Variants in C15orf39 observed in about 807,000 individuals in gnomAD.
C15orf39 encodes the protein uncharacterized protein C15orf39.
In C15orf39, 24 loss-of-function variants were observed where a neutral mutation model predicts 53.9. That is an observed-to-expected ratio of 0.45 (90% CI 0.32 to 0.63). C15orf39 has a LOEUF of 0.63. Ranked by LOEUF, C15orf39 falls within the 20% of genes least tolerant of loss-of-function variation. The pLI is 0.04. For synonymous variants in C15orf39, 569 were observed against 576.5 expected (o/e 0.99, Z 0.19); for missense variants, 1,271 against 1,347.9 (o/e 0.94, Z 0.89).
upstream of C15orf39, among the ~76,000 whole-genome samples, chr15:75,200,817 C>A: frequency 6.7e-6 from 1 of 149,438 alleles, no homozygotes; most frequent in South Asian, 2.2e-4. Flanking sequence ...ACACTCTCCC[C>A]CCACCTCCCG....
intron 2 of C15orf39, among the ~76,000 whole-genome samples, chr15:75,209,855 G>A (rs1330397896): frequency 6.6e-6 from 1 of 152,196 alleles, no homozygotes; most frequent in Non-Finnish European, 1.5e-5. Flanking sequence ...TGGCAGTGAG[G>A]TGCAGATGAG....
intron 2 of C15orf39, chr15:75,209,068 G>C: frequency 1.7e-6 from 1 of 592,436 alleles, no homozygotes; most frequent in Non-Finnish European, 2.8e-6. Context: ...GAAACTCCTC[G>C]GCCTCCCCTG....
rs1268966589 is a variant in C15orf39 at position 75,207,803 on chromosome 15, C to T, written c.1755C>T (p.Ala585=). 1.9e-6 allele frequency: 3 copies of T among 1,612,244 alleles called. No individual in the cohort carries two copies. The highest frequency in any genetic ancestry group is 2.5e-6 in the Non-Finnish European group (3 of 1,179,460). ...DLSVRKPTAE[A]SPVKASRSVE... is the part of the protein sequence containing the mutation. The stretch of plus-strand genomic sequence containing the variant: ...GTGTGAGGAAGCCCACAGCAGAGGC[C>T]TCCCCTGTCAAGGCTTCCCGTTCTG... The change falls in exon 2 of 3, where the codon GCC becomes GCT. Residue 585 remains alanine (A), a synonymous_variant. Transcript: ENST00000394987.
At position 75,206,850 on chromosome 15, in the gene C15orf39, C is replaced by CCCGA; in HGVS notation, c.802_803insCCGA (p.His268ProfsTer118). ...ACCCTGTCAGGACACCGGGCCCACC[C>CCCGA]ACTACCCACCACCCCACCACCCACC... On this transcript the variant is annotated frameshift_variant, in exon 2 of 3. Transcript: ENST00000394987. LOFTEE classifies it high-confidence loss of function. 6.4e-7 allele frequency: 1 copy of CCCGA among 1,561,218 alleles called. No individual in the cohort carries two copies. Among genetic ancestry groups the CCCGA allele is most frequent in the Non-Finnish European group, 8.6e-7 (1 of 1,156,576 alleles).
chr15:75,208,294 C>T lies in C15orf39; in HGVS notation c.2246C>T (p.Ala749Val), dbSNP rs748369841. 6.3e-7 allele frequency: 1 copy of T among 1,579,810 alleles called. No homozygotes were observed. The highest frequency in any genetic ancestry group is 2.3e-5 in the East Asian group (1 of 42,672). The change falls in exon 2 of 3, where the codon GCA (alanine) becomes GTA (valine). Residue 749 changes from alanine to valine, a missense_variant. Physicochemically the swap from Ala to Val is moderately conservative, Grantham distance 64. Around this residue, in one of 2 missense-constraint regions of C15orf39, gnomAD observed 994 missense variants for 993.7 expected, o/e 1.00. Coordinates refer to ENST00000394987, the MANE Select transcript of C15orf39 (RefSeq NM_015492.5). ...CCAGCTCCAGCTCCAGCTCCAGTTGCAGGCCCTGCTCCAGCATCTACTTCA... is the reference window on the plus strand; with the variant it reads ...CCAGCTCCAGCTCCAGCTCCAGTTGTAGGCCCTGCTCCAGCATCTACTTCA... The part of the protein sequence containing the change: ...RDPAPAPAPV[A>V]GPAPASTSAP...
chr15:75,209,595 A>G (rs2070469243), intron 2 of C15orf39: 2 of 152,230 alleles, frequency 1.3e-5, no homozygotes, highest in Admixed American at 1.3e-4. Flanking sequence ...TGTGGCGTGT[A>G]TGATCACACT....
Position 75,208,640 on chromosome 15 carries a change from T to C in C15orf39, c.2592T>C (p.His864=). ...GGCTGCCACCCGCTTCTGTGGACCA[T>C]GTGCTGCAGGAGCATCGTGTGGAGC... ...FPRLPPASVD[H]VLQEHRVELR... Residue 864 remains histidine, a synonymous_variant, in exon 2 of 3, where the codon CAT becomes CAC. Transcript: ENST00000394987. The C allele has an allele frequency of 6.2e-7, 1 of 1,603,226 alleles. No homozygotes were observed. The highest frequency in any genetic ancestry group is 8.5e-7 in the Non-Finnish European group (1 of 1,176,210).
intron 2 of C15orf39, among the ~76,000 whole-genome samples, chr15:75,210,068 T>C (rs56159135): frequency 0.012 from 1,871 of 152,258 alleles, 39 homozygotes; most frequent in African/African-American, 0.043. Flanking sequence ...TCAGGTCTGT[T>C]TCTCCTGGGC....
At chr15:75,203,021 C>T (rs1171766830) in intron 1 of C15orf39, among the ~76,000 whole-genome samples, 1 of 152,232 alleles carries the variant, frequency 6.6e-6, no homozygotes, top group Non-Finnish European at 1.5e-5. Flanking sequence ...TTTGGGCTGC[C>T]CCAGGTTGGG....
intron 2 of C15orf39, chr15:75,209,234 A>C: frequency 5.5e-6 from 1 of 180,212 alleles, no homozygotes; most frequent in South Asian, 1.2e-4. Context: ...GCCCTAAATA[A>C]CCCACTGCAT....
In C15orf39 at chr15:75,207,717, G is replaced by T; in HGVS notation, c.1669G>T (p.Gly557Cys). ...CAGGGGGACCCTGCCTGCCCAGGAG[G>T]GCCCCTCAGGGAGTAAACCCCTAAG... ...GCRGTLPAQE[G>C]PSGSKPLRGS... is the part of the protein sequence containing the mutation. The change falls in exon 2 of 3, where the codon GGC (glycine) becomes TGC (cysteine). Residue 557 changes from glycine (G) to cysteine (C), a missense_variant. By Grantham distance (159) the Gly-to-Cys change is radical (BLOSUM62 -3). Transcript: ENST00000394987. 1.9e-6 allele frequency: 3 copies of T among 1,601,416 alleles called. No individual in the cohort carries two copies. The highest frequency in any genetic ancestry group is 2.6e-6 in the Non-Finnish European group (3 of 1,172,898).
rs374891360 is a variant in C15orf39 at position 75,206,194 on chromosome 15, C to G, written c.146C>G (p.Ser49Cys). 25 of 1,614,144 alleles carry G rather than the reference C, an allele frequency of 1.5e-5. No individual in the cohort carries two copies. The highest frequency in any genetic ancestry group is 1.5e-4 in the African/African-American group (11 of 75,040). Residue 49 changes from serine to cysteine, a missense_variant, in exon 2 of 3, where the codon TCC (serine) becomes TGC (cysteine). Ser to Cys is a moderately radical substitution (Grantham distance 112). Around this residue, in one of 2 missense-constraint regions of C15orf39, gnomAD observed 994 missense variants for 993.7 expected, o/e 1.00. Coordinates refer to ENST00000394987, the MANE Select transcript of C15orf39 (RefSeq NM_015492.5). ...DPCTYKGSYF[S>C]CPMAGTPKAE... ...TGCACCTACAAGGGGTCCTACTTCT[C>G]CTGCCCCATGGCAGGTACTCCTAAG...
rs748369841 is a variant in C15orf39 at position 75,208,294 on chromosome 15, C to G, written c.2246C>G (p.Ala749Gly). The change falls in exon 2 of 3, where the codon GCA becomes GGA. Residue 749 changes from alanine to glycine, a missense_variant. Ala to Gly is a moderately conservative substitution (Grantham distance 60). This residue lies in a region of C15orf39 where 994 missense variants were observed against 993.7 expected (regional missense o/e 1.00). Transcript: ENST00000394987. ...CCAGCTCCAGCTCCAGCTCCAGTTG[C>G]AGGCCCTGCTCCAGCATCTACTTCA... The part of the protein sequence containing the change: ...RDPAPAPAPV[A>G]GPAPASTSAP... 2 of 1,579,810 alleles carry G rather than the reference C, an allele frequency of 1.3e-6. No individual in the cohort carries two copies. The highest frequency in any genetic ancestry group is 8.6e-7 in the Non-Finnish European group (1 of 1,162,634).
In C15orf39 at chr15:75,208,473, C is replaced by T; in HGVS notation, c.2425C>T (p.Gln809Ter). The stretch of plus-strand genomic sequence containing the variant: ...GGGCCAGGCTGCGTGGCAGGACTGC[C>T]AGGGTGTGCAGGGGCTGCTGGCCAA... ...PWGQAAWQDC[Q>*]GVQGLLAKLL... Residue 809 changes from glutamine to a stop codon, truncating the protein, a stop_gained, in exon 2 of 3, where the codon CAG becomes TAG. Coordinates refer to ENST00000394987, the MANE Select transcript of C15orf39 (RefSeq NM_015492.5). LOFTEE classifies it high-confidence loss of function. 1.3e-6 allele frequency: 2 copies of T among 1,599,074 alleles called. No homozygotes were observed. The highest frequency in any genetic ancestry group is 1.7e-6 in the Non-Finnish European group (2 of 1,176,416).
intron 2 of C15orf39, 115 bp downstream of exon 2, chr15:75,208,939 G>T: frequency 6.9e-7 from 1 of 1,452,968 alleles, no homozygotes; most frequent in East Asian, 2.5e-5. Context: ...TCCTGCCCGG[G>T]TAGGGGGCTT....
chr15:75,208,419 C>T lies in C15orf39; in HGVS notation c.2371C>T (p.Arg791Cys), dbSNP rs777050243. 1.2e-5 allele frequency: 20 copies of T among 1,606,802 alleles called. No homozygotes were observed. Among genetic ancestry groups the T allele is most frequent in the East Asian group, 2.2e-5 (1 of 44,752 alleles). ...CGCCCACTCTCCTCCAGAGAAGCTT[C>T]GCGAGTGGCTAGAGACGGCTGGGCC... The part of the protein sequence containing the change: ...SVAHSPPEKL[R>C]EWLETAGPWG... The change falls in exon 2 of 3, where the codon CGC (arginine) becomes TGC (cysteine). Residue 791 changes from arginine to cysteine, a missense_variant. By Grantham distance (180) the Arg-to-Cys change is radical. This residue lies in a region of C15orf39 where 277 missense variants were observed against 354.1 expected (regional missense o/e 0.78). Coordinates refer to ENST00000394987, the MANE Select transcript of C15orf39 (RefSeq NM_015492.5).
At position 75,210,843 on chromosome 15, in the gene C15orf39, G is replaced by A. The variant is rs775810587; in HGVS notation, c.2871G>A (p.Pro957=). The A allele has an allele frequency of 1.2e-5, 20 of 1,613,698 alleles. No homozygotes were observed. Among genetic ancestry groups the A allele is most frequent in the Middle Eastern group, 3.3e-4 (2 of 6,084 alleles). Residue 957 remains proline, a synonymous_variant, in exon 3 of 3, where the codon CCG becomes CCA. Coordinates refer to ENST00000394987, the MANE Select transcript of C15orf39 (RefSeq NM_015492.5). ...PESLALAQKS[P]APKVRKPGRK... Reference sequence around the variant, plus strand: ...GCCTAGCCCTGGCTCAGAAGTCACCGGCCCCCAAGGTCAGGAAGCCAGGCA... The same window carrying A: ...GCCTAGCCCTGGCTCAGAAGTCACCAGCCCCCAAGGTCAGGAAGCCAGGCA...
At position 75,206,388 on chromosome 15, in the gene C15orf39, C is replaced by G; in HGVS notation, c.340C>G (p.Pro114Ala). 6.2e-7 allele frequency: 1 copy of G among 1,614,024 alleles called. No individual in the cohort carries two copies. Among genetic ancestry groups the G allele is most frequent in the Non-Finnish European group, 8.5e-7 (1 of 1,179,954 alleles). Residue 114 changes from proline to alanine, a missense_variant, in exon 2 of 3, where the codon CCC becomes GCC. Physicochemically the swap from Pro to Ala is conservative, Grantham distance 27. Transcript: ENST00000394987. ...MQDSSPVELL[P>A]FSPQAHSYPG... ...GGACTCCAGCCCTGTTGAGCTCCTG[C>G]CCTTCAGTCCCCAGGCTCACTCCTA...
chr15:75,209,084 G>A (rs912267855), intron 2 of C15orf39: 26 of 529,160 alleles, frequency 4.9e-5, no homozygotes, highest in South Asian at 1.9e-4. Context: ...CCCTGGTGCT[G>A]CACCTTCTTG....
Sources: gnomAD v4.1 joint callset for allele counts (sites outside exome capture counted in the v4.1 genomes callset) on GRCh38, gnomAD v4.1.1 for gene constraint, gnomAD v4.1.1 regional missense constraint, MANE v1.5 for transcripts, NCBI Gene and HGNC (gene_info 2026-07-23, HGNC 2026-07-21) for gene names.